Variants in GLRB observed in about 807,000 individuals in gnomAD.
GLRB encodes the protein glycine receptor subunit beta.
GLRB carries 33 observed loss-of-function variants against 54.2 expected under a neutral mutation model. That is an observed-to-expected ratio of 0.61 (90% CI 0.46 to 0.81). GLRB has a LOEUF of 0.81. Ranked by LOEUF, GLRB falls within the 40% of genes least tolerant of loss-of-function variation. GLRB has a pLI of 0.00. For missense variants in GLRB, 572 were observed against 584.6 expected (o/e 0.98, Z 0.22); for synonymous variants, 209 against 208.2 (o/e 1.00, Z -0.03).
chr4:157,099,210 C>G (rs919902575), intron 2 of GLRB, among the ~76,000 whole-genome samples: 7 of 152,042 alleles, frequency 4.6e-5, no homozygotes, highest in African/African-American at 1.7e-4. Context: ...AAGGTGCTTC[C>G]TGTAACATGA....
intron 9 of GLRB, among the ~76,000 whole-genome samples, chr4:157,158,286 G>A (rs999845937): frequency 1.3e-5 from 2 of 152,066 alleles, no homozygotes; most frequent in African/African-American, 2.4e-5. Context: ...TAGGTTGCCT[G>A]TTCACTCTGA....
intron 6 of GLRB, among the ~76,000 whole-genome samples, chr4:157,138,514 A>G (rs1277835253): frequency 6.6e-6 from 1 of 152,194 alleles, no homozygotes; most frequent in Non-Finnish European, 1.5e-5. Context: ...GACCATTAAA[A>G]ACTAATTCTG....
In GLRB at chr4:157,076,924, T is replaced by C. The variant is rs552936197; in HGVS notation, c.-30+627T>C. On this transcript the variant is annotated intron_variant, in intron 1 of 9. Transcript: ENST00000264428. ...TAAAGTACCCAGGGAGAAGCCCCTCTGGCTTGCCTGGAGTGTGTGTAAAAG... is the reference window on the plus strand; with the variant it reads ...TAAAGTACCCAGGGAGAAGCCCCTCCGGCTTGCCTGGAGTGTGTGTAAAAG... Among the ~76,000 whole-genome samples, 14 of 122,686 alleles carry C rather than the reference T, an allele frequency of 1.1e-4. No homozygotes were observed. In the East Asian group the frequency reaches 3.5e-3, roughly 31 times the overall value. The allele number at this position is 122,686 out of a possible 152,430, so 80.5% of individuals were successfully genotyped here.
intron 2 of GLRB, among the ~76,000 whole-genome samples, chr4:157,108,006 A>G (rs530128350): frequency 5.3e-5 from 8 of 152,204 alleles, no homozygotes; most frequent in Admixed American, 2.6e-4. Context: ...AAATGGAACA[A>G]CAAAGACTGG....
intron 3 of GLRB, 51 bp downstream of exon 3, chr4:157,120,713 T>A (rs750446115): frequency 1.2e-6 from 1 of 859,306 alleles, no homozygotes; most frequent in South Asian, 1.4e-5. Context: ...AAATTAATTT[T>A]ATATGTTTAG....
intron 2 of GLRB, among the ~76,000 whole-genome samples, chr4:157,092,467 G>T (rs1579189757): frequency 6.6e-6 from 1 of 152,120 alleles, no homozygotes; most frequent in African/African-American, 2.4e-5. Flanking sequence ...GTTCAAAGTG[G>T]TTTTGCATGT....
intron 2 of GLRB, among the ~76,000 whole-genome samples, chr4:157,102,341 A>G (rs1735062228): frequency 6.6e-6 from 1 of 152,074 alleles, no homozygotes; most frequent in Non-Finnish European, 1.5e-5. Context: ...GCAACTCCCC[A>G]TTTTCCCTAC....
chr4:157,138,708 A>G (rs1474824523), intron 6 of GLRB, 101 bp from the exon 7 acceptor site: 7 of 685,958 alleles, frequency 1.0e-5, no homozygotes, highest in Non-Finnish European at 1.5e-5. Context: ...AGAAGGTCTT[A>G]TTTTCTTTCC....
At chr4:157,126,409 A>G (rs1736017669) in intron 4 of GLRB, among the ~76,000 whole-genome samples, 1 of 151,756 alleles carries the variant, frequency 6.6e-6, no homozygotes, top group Non-Finnish European at 1.5e-5. Context: ...GAAGCTTTAT[A>G]GTTCCTATTT....
chr4:157,085,786 C>T (rs1244787345), intron 2 of GLRB, among the ~76,000 whole-genome samples: 1 of 151,470 alleles, frequency 6.6e-6, no homozygotes, highest in Non-Finnish European at 1.5e-5. Flanking sequence ...CGTGAGCCAC[C>T]GTGCCTGGCC....
intron 2 of GLRB, among the ~76,000 whole-genome samples, chr4:157,096,623 C>G (rs923204653): frequency 1.3e-5 from 2 of 152,116 alleles, no homozygotes; most frequent in Admixed American, 1.3e-4. Flanking sequence ...TTGTTGCCTC[C>G]TATAGCCTGA....
chr4:157,150,067 C>T (rs1403149163), intron 8 of GLRB, among the ~76,000 whole-genome samples: 1 of 151,956 alleles, frequency 6.6e-6, no homozygotes, highest in East Asian at 1.9e-4. Flanking sequence ...TGTCATTATA[C>T]AATTCTGTCT....
chr4:157,144,700 C>T (rs1736744286), intron 8 of GLRB, among the ~76,000 whole-genome samples: 1 of 152,156 alleles, frequency 6.6e-6, no homozygotes, highest in Non-Finnish European at 1.5e-5. Context: ...ACCTGGAACT[C>T]ACACTGGTAA....
intron 2 of GLRB, among the ~76,000 whole-genome samples, chr4:157,114,661 C>T (rs1423926780): frequency 6.6e-6 from 1 of 151,718 alleles, no homozygotes; most frequent in Non-Finnish European, 1.5e-5. Flanking sequence ...GACAGTCACT[C>T]ACACATTACT....
chr4:157,153,382 T>G (rs1737101558), intron 9 of GLRB, among the ~76,000 whole-genome samples: 1 of 152,258 alleles, frequency 6.6e-6, no homozygotes, highest in Admixed American at 6.5e-5. Context: ...GCCCGAGGAC[T>G]GTGGGGCATC....
chr4:157,134,532 C>G (rs1277138077), intron 4 of GLRB, among the ~76,000 whole-genome samples: 2 of 151,830 alleles, frequency 1.3e-5, no homozygotes, highest in Non-Finnish European at 2.9e-5. Flanking sequence ...ATAAAGAATA[C>G]CTATAAGATT....
At chr4:157,140,406 C>A (rs1191965565) in intron 7 of GLRB, among the ~76,000 whole-genome samples, 3 of 151,878 alleles carry the variant, frequency 2.0e-5, no homozygotes, top group Non-Finnish European at 4.4e-5. Context: ...TACTGTCAGC[C>A]TTGGGACCAA....
intron 2 of GLRB, among the ~76,000 whole-genome samples, chr4:157,104,159 C>A (rs1416208763): frequency 6.6e-6 from 1 of 152,100 alleles, no homozygotes; most frequent in Non-Finnish European, 1.5e-5. Flanking sequence ...TTTCAGTTTT[C>A]ACTGTTGGGA....
chr4:157,106,193 T>A (rs1259597102), intron 2 of GLRB, among the ~76,000 whole-genome samples: 3 of 152,100 alleles, frequency 2.0e-5, no homozygotes, highest in Non-Finnish European at 4.4e-5. Context: ...CTTTTTTCTT[T>A]CTTTCAGCTC....
Sources: allele counts gnomAD v4.1 joint callset (sites outside exome capture counted in the v4.1 genomes callset), GRCh38; gene constraint gnomAD v4.1.1; transcripts MANE v1.5; gene names NCBI Gene and HGNC (gene_info 2026-07-23, HGNC 2026-07-21).